The following CPAMD8 variants were observed in gnomAD, a reference collection of about 807,000 sequenced individuals.
The protein encoded by CPAMD8 is C3 and PZP like alpha-2-macroglobulin domain containing 8.
Under a neutral mutation model 224.7 loss-of-function variants are expected in CPAMD8, and 146 were observed. The observed-to-expected ratio is 0.65, with a 90% CI of 0.57 to 0.75. CPAMD8 has a LOEUF of 0.75. CPAMD8 is among the 30% of genes least tolerant of loss of function. The pLI, the probability that CPAMD8 is intolerant of heterozygous loss-of-function variation, is 0.00. For synonymous variants in CPAMD8, 966 were observed against 1,044.6 expected, an observed-to-expected ratio of 0.92 and a Z score of 1.45; for missense variants, 2,301 against 2,537.5, an observed-to-expected ratio of 0.91 and a Z score of 2.00.
chr19:16,918,442 C>CTTTT (rs869059553), intron 27 of CPAMD8, among the ~76,000 whole-genome samples: 3 of 39,384 alleles, frequency 7.6e-5, no homozygotes, highest in African/African-American at 9.3e-5. Context: ...ATTTTTAAAA[C>CTTTT]TTTTTTTTTT....
chr19:17,012,584 A>C (rs1286406246), intron 3 of CPAMD8, among the ~76,000 whole-genome samples: 4 of 152,064 alleles, frequency 2.6e-5, no homozygotes, highest in African/African-American at 7.2e-5. Flanking sequence ...CCTGGGCTCA[A>C]GCGATCCTCC....
chr19:16,929,171 C>A lies in CPAMD8; in HGVS notation c.2915G>T (p.Arg972Leu), dbSNP rs547742402. The change falls in exon 24 of 42, where the codon CGC becomes CTC. Residue 972 changes from arginine to leucine, a missense_variant. By Grantham distance (102) the Arg-to-Leu change is moderately radical. Coordinates refer to ENST00000443236, the MANE Select transcript of CPAMD8 (RefSeq NM_015692.5). ...GTGAGCTCGCACAGCCACATCAAAG[C>A]GGGTGAGGCGCAGTGGCCGCTGCAC... is the stretch of plus-strand genomic sequence containing the variant. ...QYVQRPLRLT[R>L]FDVAVRAHND... 1.2e-6 allele frequency: 2 copies of A among 1,613,898 alleles called. No homozygotes were observed. The highest frequency in any genetic ancestry group is 1.7e-6 in the Non-Finnish European group (2 of 1,179,968).
chr19:17,013,543 A>AAAATAAAATAAAATAAAATAAAATAAAAT (rs1599916202), intron 3 of CPAMD8: 2 of 150,828 alleles, frequency 1.3e-5, no homozygotes, highest in African/African-American at 4.9e-5. Context: ...AAAATAAAAT[A>AAAATAAAATAAAATAAAATAAAATAAAAT]AAAATCACAA....
At chr19:16,961,127 C>T (rs758131938) in intron 18 of CPAMD8, among the ~76,000 whole-genome samples, 1 of 152,176 alleles carries the variant, frequency 6.6e-6, no homozygotes, top group African/African-American at 2.4e-5. Flanking sequence ...TCTGCATTTC[C>T]AACTGAGGTA....
intron 32 of CPAMD8, 50 bp downstream of exon 32, chr19:16,904,176 A>AGGCG: frequency 1.1e-6 from 1 of 937,334 alleles, no homozygotes; most frequent in Non-Finnish European, 1.7e-6. Flanking sequence ...GACTGCAGGG[A>AGGCG]CCCCACCCAC....
chr19:16,951,979 G>A lies in CPAMD8; in HGVS notation c.2498C>T (p.Thr833Ile), dbSNP rs200788931. The A allele has an allele frequency of 2.8e-5, 44 of 1,567,278 alleles. 2 individuals are homozygous for A. The Middle Eastern group carries it at 6.7e-4, about 24-fold the overall frequency. Residue 833 changes from threonine to isoleucine, a missense_variant, in exon 20 of 42, where the codon ACC becomes ATC. Thr to Ile is a moderately conservative substitution (Grantham distance 89). This residue lies in a region of CPAMD8 where 1,709 missense variants were observed against 1,753.2 expected (regional missense o/e 0.97). Transcript: ENST00000443236. ...TGGGGGGCTGAGTACCTCAGCGCAG[G>A]TGCCCATGTAGTTGTAGACACTGAG... The part of the protein sequence containing the change: ...IPLSVYNYMG[T>I]CAEVYMKLSV...
At chr19:16,964,520 A>G (rs779767445) in intron 18 of CPAMD8, among the ~76,000 whole-genome samples, 69 of 152,288 alleles carry the variant, frequency 4.5e-4, no homozygotes, top group Non-Finnish European at 9.3e-4. Flanking sequence ...TAGACCAATA[A>G]CAGGCTCTGA....
intron 9 of CPAMD8, 85 bp downstream of exon 9, chr19:17,002,180 GA>G: frequency 1.1e-6 from 1 of 872,488 alleles, no homozygotes; most frequent in Non-Finnish European, 1.9e-6. Flanking sequence ...GGCAGCAGAG[GA>G]GGGGAACGAC....
intron 13 of CPAMD8, among the ~76,000 whole-genome samples, chr19:16,985,735 T>A (rs1350383383): frequency 3.6e-5 from 5 of 138,938 alleles, no homozygotes; most frequent in African/African-American, 1.4e-4. Flanking sequence ...GGGTAGTAGG[T>A]GGATGGATGG....
intron 22 of CPAMD8, among the ~76,000 whole-genome samples, chr19:16,942,848 G>A (rs1361658302): frequency 5.3e-5 from 8 of 152,186 alleles, no homozygotes; most frequent in African/African-American, 1.9e-4. Flanking sequence ...CCTGCATGAT[G>A]CACGAATAGT....
At chr19:16,933,222 G>C (rs939090370) in intron 23 of CPAMD8, among the ~76,000 whole-genome samples, 1 of 151,788 alleles carries the variant, frequency 6.6e-6, no homozygotes, top group Non-Finnish European at 1.5e-5. Context: ...CCACTTTGTA[G>C]TGTAAAACTT....
intron 18 of CPAMD8, among the ~76,000 whole-genome samples, chr19:16,960,074 A>G (rs549996289): frequency 1.3e-5 from 2 of 152,098 alleles, no homozygotes; most frequent in South Asian, 4.2e-4. Flanking sequence ...TACCACGTTC[A>G]TCTTCATCAT....
intron 12 of CPAMD8, among the ~76,000 whole-genome samples, chr19:16,990,733 G>A (rs771323031): frequency 2.6e-5 from 4 of 151,322 alleles, no homozygotes; most frequent in Admixed American, 6.6e-5. Flanking sequence ...CATGGTGGCC[G>A]GCAACTGTAG....
Position 16,922,552 on chromosome 19 carries a change from C to G in CPAMD8, c.3548-566G>C, listed in dbSNP as rs2053217374. Among the ~76,000 whole-genome samples the G allele has an allele frequency of 1.3e-5, 2 of 151,498 alleles. 1 individual carries two copies. ...CACACCACATCTGGGGTTCTTGAAA[C>G]TGCCCCATACCCACAGCACATCTGG... On this transcript the variant is annotated intron_variant, in intron 26 of 41. Transcript: ENST00000443236.
At chr19:16,968,242 G>A (rs1434869500) in intron 18 of CPAMD8, among the ~76,000 whole-genome samples, 1 of 152,086 alleles carries the variant, frequency 6.6e-6, no homozygotes, top group African/African-American at 2.4e-5. Context: ...ACTACAGTAT[G>A]AAGCCTAATC....
Position 16,896,297 on chromosome 19 carries a change from T to C in CPAMD8, c.5305A>G (p.Thr1769Ala). Residue 1769 changes from threonine (T) to alanine (A), a missense_variant, in exon 41 of 42, where the codon ACC becomes GCC. Physicochemically the swap from Thr to Ala is moderately conservative, Grantham distance 58. Coordinates refer to ENST00000443236, the MANE Select transcript of CPAMD8 (RefSeq NM_015692.5). ...ACAGAAGCCAGGTCATCCCCGTAGGTGGAGGACGACGAGGCCGGCAGCCGC... is the reference window on the plus strand; with the variant it reads ...ACAGAAGCCAGGTCATCCCCGTAGGCGGAGGACGACGAGGCCGGCAGCCGC... ...EQRLPASSSSTYGDDLASVAP... is the reference protein window; with the variant it reads ...EQRLPASSSSAYGDDLASVAP... 2.5e-6 allele frequency: 4 copies of C among 1,609,972 alleles called. No homozygotes were observed. Among genetic ancestry groups the C allele is most frequent in the Non-Finnish European group, 3.4e-6 (4 of 1,178,652 alleles).
At chr19:16,903,406 T>A (rs1471347744) in intron 34 of CPAMD8, among the ~76,000 whole-genome samples, 155 bp downstream of exon 34, 1 of 151,970 alleles carries the variant, frequency 6.6e-6, no homozygotes, top group Non-Finnish European at 1.5e-5. Context: ...CCACCTGCCT[T>A]GGGCAGTATT....
In CPAMD8 at chr19:16,997,132, C is replaced by T. The variant is rs368852070; in HGVS notation, c.1074G>A (p.Pro358=). The T allele has an allele frequency of 7.8e-5, 126 of 1,607,208 alleles. No individual in the cohort carries two copies. The East Asian group carries it at 1.1e-3, about 15-fold the overall frequency. Residue 358 remains proline, a synonymous_variant, in exon 11 of 42, where the codon CCG becomes CCA. Transcript: ENST00000443236. ...YSKDTRKQFK[P]GLAYVGKVEL... is the part of the protein sequence containing the mutation. ...TTACCTTCCCCACGTAGGCCAGGCC[C>T]GGCTTGAACTGCTTCCTCGTGTCCT...
chr19:17,009,983 G>A (rs936085985), intron 5 of CPAMD8, among the ~76,000 whole-genome samples: 9 of 152,204 alleles, frequency 5.9e-5, no homozygotes, highest in South Asian at 4.1e-4. Context: ...ACCAAGGGGC[G>A]TTCTGCAAAA....
Sources: gnomAD v4.1 joint callset for allele counts (sites outside exome capture counted in the v4.1 genomes callset) on GRCh38, gnomAD v4.1.1 for gene constraint, gnomAD v4.1.1 regional missense constraint, MANE v1.5 for transcripts, NCBI Gene and HGNC (gene_info 2026-07-23, HGNC 2026-07-21) for gene names.